Variants in PHEX observed in about 807,000 individuals in gnomAD.
PHEX encodes phosphate-regulating neutral endopeptidase PHEX.
Under a neutral mutation model 68.0 loss-of-function variants are expected in PHEX, and 16 were observed. The ratio of observed to expected loss-of-function variants is 0.24; its 90% CI spans 0.16 to 0.36. The LOEUF (loss-of-function observed/expected upper bound fraction) is 0.36. PHEX is among the 10% of genes least tolerant of loss of function. The pLI, the probability that PHEX is intolerant of heterozygous loss-of-function variation, is 1.00. For missense variants in PHEX, 480 were observed against 575.5 expected, an observed-to-expected ratio of 0.83 and a Z score of 1.70; for synonymous variants, 208 against 205.1, an observed-to-expected ratio of 1.01 and a Z score of -0.12.
At chrX:22,141,136 T>A (rs1179219908) in intron 12 of PHEX, among the ~76,000 whole-genome samples, 1 of 110,817 alleles carries the variant, frequency 9.0e-6, no homozygotes, top group East Asian at 2.8e-4. Context: ...AAATGCAGAT[T>A]CTTGGCTCTA....
At position 22,243,058 on chromosome X, in the gene PHEX, G is replaced by C. The variant is rs181752690; in HGVS notation, c.2071-2275G>C. 3.2e-4 allele frequency among the ~76,000 whole-genome samples: 36 copies of C among 112,005 alleles called. No individual in the cohort carries two copies. The East Asian group carries it at 9.8e-3, about 31-fold the overall frequency. ...CTGCAAGGCTGCGGTAACCAAAACA[G>C]CATGGTACTGGTACCAAAACAGATA... On this transcript the variant is annotated intron_variant, in intron 20 of 21. Coordinates refer to ENST00000379374, the MANE Select transcript of PHEX (RefSeq NM_000444.6).
At chrX:22,109,572 T>C (rs1930861977) in intron 9 of PHEX, among the ~76,000 whole-genome samples, 1 of 111,465 alleles carries the variant, frequency 9.0e-6, no homozygotes, top group South Asian at 3.7e-4. Flanking sequence ...GAGAGTGTAG[T>C]TTGTTCTTGA....
At chrX:22,062,136 A>G (rs1427095716) in intron 3 of PHEX, among the ~76,000 whole-genome samples, 1 of 111,330 alleles carries the variant, frequency 9.0e-6, no homozygotes, top group Non-Finnish European at 1.9e-5. Context: ...TTCCCTCAAC[A>G]CGTGGGGATT....
chrX:22,194,319 CT>C (rs1466337673), intron 15 of PHEX, among the ~76,000 whole-genome samples: 1 of 111,722 alleles, frequency 9.0e-6, no homozygotes, highest in African/African-American at 3.3e-5. Flanking sequence ...CTTTGGGTGA[CT>C]TTTTTTTCCC....
At chrX:22,178,993 A>G (rs1244950933) in intron 14 of PHEX, among the ~76,000 whole-genome samples, 1 of 111,984 alleles carries the variant, frequency 8.9e-6, no homozygotes, top group Non-Finnish European at 1.9e-5. Flanking sequence ...GCAGCTAACA[A>G]TTATTATTTG....
chrX:22,092,280 T>C (rs768805927), intron 6 of PHEX, among the ~76,000 whole-genome samples: 5 of 111,935 alleles, frequency 4.5e-5, no homozygotes, highest in Admixed American at 9.5e-5. Flanking sequence ...GACACAGCAT[T>C]ATTATTTTTT....
intron 12 of PHEX, among the ~76,000 whole-genome samples, chrX:22,159,120 A>G (rs1933034850): frequency 8.8e-6 from 1 of 113,563 alleles, no homozygotes; most frequent in African/African-American, 3.2e-5. Context: ...GTGCACGTGC[A>G]CACACATGCA....
intron 3 of PHEX, among the ~76,000 whole-genome samples, chrX:22,065,001 T>C (rs1402038487): frequency 2.7e-5 from 3 of 112,493 alleles, no homozygotes; most frequent in Non-Finnish European, 5.6e-5. Context: ...TTTGTAATGA[T>C]GGACTATTTG....
intron 10 of PHEX, among the ~76,000 whole-genome samples, chrX:22,112,664 T>C (rs1931027036): frequency 9.0e-6 from 1 of 111,312 alleles, no homozygotes; most frequent in Non-Finnish European, 1.9e-5. Flanking sequence ...CCCAGCACTT[T>C]GGGAGGCCAA....
At chrX:22,188,776 A>G (rs1326686535) in intron 14 of PHEX, among the ~76,000 whole-genome samples, 1 of 111,912 alleles carries the variant, frequency 8.9e-6, no homozygotes, top group African/African-American at 3.2e-5. Flanking sequence ...TTATATTATT[A>G]TAGTTATCTT....
At chrX:22,035,203 C>G (rs1193046570) in intron 1 of PHEX, among the ~76,000 whole-genome samples, 1 of 111,756 alleles carries the variant, frequency 8.9e-6, no homozygotes, top group Admixed American at 9.6e-5. Context: ...TCCTCGCAAC[C>G]TTAGTGCTTC....
chrX:22,189,227 C>T (rs2147137973), intron 14 of PHEX, among the ~76,000 whole-genome samples: 1 of 112,480 alleles, frequency 8.9e-6, no homozygotes, highest in East Asian at 2.8e-4. Context: ...GTGAACAGTG[C>T]TGCAACAAAC....
chrX:22,210,357 G>C (rs1934880762), intron 15 of PHEX, among the ~76,000 whole-genome samples: 1 of 111,955 alleles, frequency 8.9e-6, no homozygotes, highest in Admixed American at 9.5e-5. Flanking sequence ...GCTCATGCAG[G>C]TGTCAGATGT....
chrX:22,162,024 TAAGAG>T (rs1933149232), intron 12 of PHEX, among the ~76,000 whole-genome samples: 1 of 111,521 alleles, frequency 9.0e-6, no homozygotes, highest in South Asian at 3.8e-4. Flanking sequence ...AAGGAACAGA[TAAGAG>T]AAAGAGAAAG....
chrX:22,126,751 G>C (rs112165448), intron 11 of PHEX, among the ~76,000 whole-genome samples: 1 of 109,938 alleles, frequency 9.1e-6, no homozygotes, highest in Non-Finnish European at 1.9e-5. Context: ...GAATGAAAAA[G>C]GAAGAACCTA....
chrX:22,171,463 C>T (rs1933528205), intron 13 of PHEX: 2 of 110,128 alleles, frequency 1.8e-5, no homozygotes, highest in African/African-American at 6.6e-5. Context: ...CCCCTCAAGC[C>T]CCGCCCTTTT....
chrX:22,196,624 A>G (rs1466882792), intron 15 of PHEX, among the ~76,000 whole-genome samples: 1 of 112,714 alleles, frequency 8.9e-6, no homozygotes, highest in Non-Finnish European at 1.9e-5. Context: ...AGTATTCACT[A>G]TCAATGAATA....
At chrX:22,089,756 A>G (rs1435574675) in intron 5 of PHEX, among the ~76,000 whole-genome samples, 1 of 112,247 alleles carries the variant, frequency 8.9e-6, no homozygotes, top group Non-Finnish European at 1.9e-5. Context: ...AATTTATACT[A>G]TACTTTTCTA....
At chrX:22,197,306 T>C (rs1049627737) in intron 15 of PHEX, among the ~76,000 whole-genome samples, 9 of 111,539 alleles carry the variant, frequency 8.1e-5, no homozygotes, top group African/African-American at 2.6e-4. Flanking sequence ...CATTCCCCTG[T>C]CTAGTCCCCT....
Sources: gnomAD v4.1 joint callset for allele counts (sites outside exome capture counted in the v4.1 genomes callset) on GRCh38, gnomAD v4.1.1 for gene constraint, MANE v1.5 for transcripts, NCBI Gene and HGNC (gene_info 2026-07-23, HGNC 2026-07-21) for gene names.